MYO10: variants seen among roughly 807,000 people sequenced by gnomAD.
MYO10 encodes the protein unconventional myosin-X.
Under a neutral mutation model 257.3 loss-of-function variants are expected in MYO10, and 133 were observed. The observed-to-expected ratio is 0.52, with a 90% confidence interval of 0.45 to 0.60. The LOEUF (loss-of-function observed/expected upper bound fraction) is 0.60. Ranked by LOEUF, MYO10 falls within the 20% of genes least tolerant of loss-of-function variation. The probability of loss-of-function intolerance (pLI) is 0.00; values close to 1 mark genes in which losing one functional copy is unlikely to be tolerated. For synonymous variants in MYO10, 1,104 were observed against 1,028.6 expected (o/e 1.07, Z -1.40); for missense variants, 2,399 against 2,635.7 (o/e 0.91, Z 1.97).
intron 3 of MYO10, among the ~76,000 whole-genome samples, chr5:16,809,182 C>CA (rs1433096060): frequency 1.3e-5 from 2 of 151,128 alleles, no homozygotes; most frequent in African/African-American, 4.9e-5. Flanking sequence ...AAAAAAAAGC[C>CA]AAAAAAACCC....
chr5:16,872,828 C>G (rs1744490891), intron 2 of MYO10, among the ~76,000 whole-genome samples: 1 of 152,152 alleles, frequency 6.6e-6, no homozygotes, highest in Non-Finnish European at 1.5e-5. Context: ...GACTTTTTCA[C>G]TATCACAAGA....
At chr5:16,894,046 G>A (rs1482766986) in intron 1 of MYO10, among the ~76,000 whole-genome samples, 1 of 152,090 alleles carries the variant, frequency 6.6e-6, no homozygotes, top group Admixed American at 6.6e-5. Flanking sequence ...CAGACAAGTT[G>A]CAAAGATAAT....
intron 1 of MYO10, among the ~76,000 whole-genome samples, chr5:16,903,222 T>C (rs553471202): frequency 2.3e-4 from 35 of 152,320 alleles, no homozygotes; most frequent in Non-Finnish European, 4.1e-4. Context: ...CTGACCAACA[T>C]GGTGAAACCC....
At chr5:16,706,583 C>T (rs910018442) in intron 21 of MYO10, among the ~76,000 whole-genome samples, 5 of 151,842 alleles carry the variant, frequency 3.3e-5, no homozygotes, top group Middle Eastern at 3.2e-3. Flanking sequence ...GTGGTGGTGA[C>T]GAAAGAGACA....
chr5:16,814,181 C>T (rs1742527870), intron 3 of MYO10, among the ~76,000 whole-genome samples: 1 of 152,218 alleles, frequency 6.6e-6, no homozygotes, highest in South Asian at 2.1e-4. Context: ...CTCGCTCTGT[C>T]ACCCAGGCTG....
intron 25 of MYO10, among the ~76,000 whole-genome samples, chr5:16,699,858 C>T (rs557969587): frequency 5.8e-4 from 87 of 149,428 alleles, no homozygotes; most frequent in Non-Finnish European, 1.0e-3. Flanking sequence ...GCCTGATTTA[C>T]GGTAGCACAC....
In MYO10 at chr5:16,663,839, T is replaced by TTA. The variant is rs2126436703; in HGVS notation, c.*2851_*2852dup. 1 of 142,644 alleles carries TTA rather than the reference T, an allele frequency of 7.0e-6. No homozygotes were observed. The highest frequency in any genetic ancestry group is 2.2e-4 in the East Asian group (1 of 4,634). 8.8% of individuals were successfully genotyped at this position (142,644 alleles called of 1,614,324 possible). On this transcript the variant is annotated 3_prime_UTR_variant, in exon 41 of 41. Transcript: ENST00000513610. ...GATGTGTGCAGGTTCTATGCAAATATTATACCACTGTATAGCAGGGACTTG... is the reference window on the plus strand; with the variant it reads ...GATGTGTGCAGGTTCTATGCAAATATTATATACCACTGTATAGCAGGGACTTG...
chr5:16,759,947 C>T (rs1366374417), intron 17 of MYO10, among the ~76,000 whole-genome samples: 1 of 151,882 alleles, frequency 6.6e-6, no homozygotes, highest in African/African-American at 2.4e-5. Context: ...CTCCCTTTGT[C>T]CCAATTCATT....
At chr5:16,795,071 G>GCCCAGTCCCTGCTC (rs1437253779) in intron 3 of MYO10, among the ~76,000 whole-genome samples, 1 of 102,428 alleles carries the variant, frequency 9.8e-6, no homozygotes, top group Non-Finnish European at 2.5e-5. Context: ...GGCGGCCCAG[G>GCCCAGTCCCTGCTC]CCCAGTCCCT....
Position 16,831,024 on chromosome 5 carries a change from C to T in MYO10, c.121-12857G>A, listed in dbSNP as rs76845481. 7.2e-4 allele frequency among the ~76,000 whole-genome samples: 109 copies of T among 152,100 alleles called. No individual in the cohort carries two copies. The East Asian group carries it at 0.019, about 26-fold the overall frequency. On this transcript the variant is annotated intron_variant, in intron 2 of 40. Coordinates refer to ENST00000513610, the MANE Select transcript of MYO10 (RefSeq NM_012334.3). ...TGTCAATATCCTGGCTGGGATGTTA[C>T]GCTCTGGTTTTGCAAGATGTCACTG...
intron 1 of MYO10, among the ~76,000 whole-genome samples, chr5:16,899,134 CAAA>C (rs60168960): frequency 0.064 from 6,637 of 103,282 alleles, 248 homozygotes; most frequent in African/African-American, 0.14. Context: ...GACTCTGTCT[CAAA>C]AAAAAAAAAA....
At chr5:16,784,594 G>A (rs1741518919) in intron 4 of MYO10, among the ~76,000 whole-genome samples, 1 of 152,158 alleles carries the variant, frequency 6.6e-6, no homozygotes, top group South Asian at 2.1e-4. Context: ...AAAGAGGCTG[G>A]AAACTTACAA....
At chr5:16,767,489 A>G (rs1740908183) in intron 10 of MYO10, among the ~76,000 whole-genome samples, 1 of 152,020 alleles carries the variant, frequency 6.6e-6, no homozygotes, top group South Asian at 2.1e-4. Context: ...CTGTCTTTCA[A>G]TATGCCAGAC....
chr5:16,922,361 T>A (rs940457024), intron 1 of MYO10, among the ~76,000 whole-genome samples: 2 of 152,094 alleles, frequency 1.3e-5, no homozygotes, highest in African/African-American at 4.8e-5. Context: ...GATCAGATAA[T>A]CAGATGTTAA....
intron 9 of MYO10, among the ~76,000 whole-genome samples, chr5:16,771,586 ATTAT>A (rs1741052851): frequency 7.0e-6 from 1 of 143,642 alleles, no homozygotes; most frequent in African/African-American, 2.7e-5. Context: ...TATTATTATT[ATTAT>A]TATTTTGATA....
At chr5:16,816,594 G>A (rs1377902273) in intron 3 of MYO10, among the ~76,000 whole-genome samples, 3 of 150,484 alleles carry the variant, frequency 2.0e-5, no homozygotes, top group Admixed American at 6.6e-5. Context: ...GCAGTGGTGC[G>A]ATCTTAGCTC....
chr5:16,726,255 A>G (rs1189790713), intron 19 of MYO10, among the ~76,000 whole-genome samples: 2 of 152,104 alleles, frequency 1.3e-5, no homozygotes, highest in South Asian at 4.2e-4. Context: ...TCTGGCACAT[A>G]GGTTGGTTTG....
intron 17 of MYO10, among the ~76,000 whole-genome samples, chr5:16,758,736 T>C (rs1740607325): frequency 6.6e-6 from 1 of 152,184 alleles, no homozygotes; most frequent in Admixed American, 6.6e-5. Context: ...CTCAGTTTTT[T>C]CATCTGGAAA....
chr5:16,835,832 G>T lies in MYO10; in HGVS notation c.121-17665C>A, dbSNP rs192681240. On this transcript the variant is annotated intron_variant, in intron 2 of 40. Coordinates refer to ENST00000513610, the MANE Select transcript of MYO10 (RefSeq NM_012334.3). Reference sequence around the variant, plus strand: ...CTTTAAAAAAAAAAAAGACATTTTTGATAACAAAAACATTAATATCATGCT... The same window carrying T: ...CTTTAAAAAAAAAAAAGACATTTTTTATAACAAAAACATTAATATCATGCT... 4.5e-3 allele frequency among the ~76,000 whole-genome samples: 684 copies of T among 150,446 alleles called. 4 individuals carry two copies. The highest frequency in any genetic ancestry group is 6.4e-3 in the Admixed American group (96 of 15,030).
Sources: allele counts gnomAD v4.1 joint callset (sites outside exome capture counted in the v4.1 genomes callset), GRCh38; gene constraint gnomAD v4.1.1; transcripts MANE v1.5; gene names NCBI Gene and HGNC (gene_info 2026-07-23, HGNC 2026-07-21).